Variants in SLC28A1 observed in about 807,000 individuals in gnomAD.
SLC28A1 encodes solute carrier family 28 member 1.
Under a neutral mutation model 74.8 loss-of-function variants are expected in SLC28A1, and 64 were observed. The observed-to-expected ratio is 0.86, with a 90% confidence interval of 0.70 to 1.05. SLC28A1 has a LOEUF of 1.05. Ranked by LOEUF, SLC28A1 falls within the 50% of genes least tolerant of loss-of-function variation. The pLI is 0.00. For synonymous variants in SLC28A1, 359 were observed against 335.0 expected (o/e 1.07, Z -0.78); for missense variants, 828 against 822.8 (o/e 1.01, Z -0.08).
Position 84,944,659 on chromosome 15 carries a change from T to G in SLC28A1, c.1757T>G (p.Met586Arg). 2.5e-6 allele frequency: 4 copies of G among 1,612,996 alleles called. No homozygotes were observed. Among genetic ancestry groups the G allele is most frequent in the Non-Finnish European group, 3.4e-6 (4 of 1,178,898 alleles). The change falls in exon 17 of 19, where the codon ATG (methionine) becomes AGG (arginine). Residue 586 changes from methionine (M) to arginine (R), a missense_variant. Around this residue, in one of 3 missense-constraint regions of SLC28A1, gnomAD observed 767 missense variants for 753.5 expected, o/e 1.02. Coordinates refer to ENST00000394573, the MANE Select transcript of SLC28A1 (RefSeq NM_004213.5). ...TGTGTGTCCCTGGTGAACGCCTGTA[T>G]GGCAGGTGAGTGCAGGCCTGGCAGG... ...GACVSLVNAC[M>R]AGILYMPRGA... is the part of the protein sequence containing the mutation.
At chr15:84,918,397 A>G in intron 9 of SLC28A1, 127 bp from the exon 10 acceptor site, 1 of 774,394 alleles carries the variant, frequency 1.3e-6, no homozygotes, top group Non-Finnish European at 2.4e-6. Flanking sequence ...ATCTTCCCGG[A>G]TCCTGTCAGG....
chr15:84,934,294 G>A (rs1196909362), intron 13 of SLC28A1, among the ~76,000 whole-genome samples: 3 of 152,200 alleles, frequency 2.0e-5, no homozygotes, highest in Admixed American at 6.5e-5. Flanking sequence ...CTGTGGCCTG[G>A]TGTGTGTACA....
intron 10 of SLC28A1, 60 bp downstream of exon 10, chr15:84,918,664 A>G (rs1027264513): frequency 3.8e-6 from 5 of 1,309,242 alleles, no homozygotes; most frequent in Admixed American, 1.7e-5. Flanking sequence ...CAGGGTTCAC[A>G]CTGTCCCAGA....
intron 6 of SLC28A1, among the ~76,000 whole-genome samples, chr15:84,903,398 G>A (rs1437042093): frequency 1.3e-5 from 2 of 152,156 alleles, no homozygotes; most frequent in African/African-American, 4.8e-5. Context: ...CTCTCGCATC[G>A]GTATAGTACC....
the SLC28A1 span, among the ~76,000 whole-genome samples, chr15:84,966,151 CCCT>C: frequency 6.3e-4 from 96 of 152,196 alleles, 4 homozygotes; most frequent in Admixed American, 6.5e-4. Flanking sequence ...AGTCTTGGCT[CCCT>C]GCAACCTCCA....
intron 6 of SLC28A1, chr15:84,895,346 G>A (rs377490168): frequency 3.0e-5 from 49 of 1,613,852 alleles, no homozygotes; most frequent in Admixed American, 6.7e-5. Context: ...TGTGGTGGAC[G>A]AAAACTGGAC....
intron 9 of SLC28A1, among the ~76,000 whole-genome samples, chr15:84,909,453 C>T (rs142175507): frequency 1.3e-5 from 2 of 152,144 alleles, no homozygotes; most frequent in Non-Finnish European, 2.9e-5. Context: ...GTTTCAAAGA[C>T]CTTATTGTCT....
At chr15:84,908,589 C>A (rs1967626841) in intron 8 of SLC28A1, 129 bp from the exon 9 acceptor site, 1 of 757,646 alleles carries the variant, frequency 1.3e-6, no homozygotes, top group South Asian at 1.5e-5. Context: ...CAGGTGGTGC[C>A]CCCCCCCGGA....
At chr15:84,947,922 C>T (rs749402103), downstream of SLC28A1, among the ~76,000 whole-genome samples, 8 of 151,960 alleles carry the variant, frequency 5.3e-5, no homozygotes, top group African/African-American at 1.2e-4. Flanking sequence ...TATGGGAGCT[C>T]GGTAGTATTG....
chr15:84,944,520 G>A, intron 16 of SLC28A1, 46 bp from the exon 17 acceptor site: 2 of 1,369,804 alleles, frequency 1.5e-6, no homozygotes, highest in Non-Finnish European at 2.1e-6. Flanking sequence ...CGCGGGCAGA[G>A]AGGGACACAG....
At chr15:84,908,691 T>C in intron 8 of SLC28A1, 27 bp from the exon 9 acceptor site, 1 of 1,600,062 alleles carries the variant, frequency 6.2e-7, no homozygotes, top group South Asian at 1.1e-5. Context: ...ACTGCCTGTT[T>C]TTGTTTGTTT....
chr15:84,924,691 C>G (rs888395126), intron 12 of SLC28A1, among the ~76,000 whole-genome samples: 6 of 152,334 alleles, frequency 3.9e-5, no homozygotes, highest in Admixed American at 1.3e-4. Flanking sequence ...TCAAATGCAT[C>G]CCTCACATAA....
At chr15:84,887,881 T>C (rs767523671) in intron 3 of SLC28A1, 25 bp downstream of exon 3, 2 of 1,539,384 alleles carry the variant, frequency 1.3e-6, no homozygotes, top group South Asian at 1.1e-5. Context: ...CCATCAGTCA[T>C]CCTGACCCCT....
At chr15:84,962,387 T>C in the SLC28A1 span, among the ~76,000 whole-genome samples, 2 of 152,114 alleles carry the variant, frequency 1.3e-5, no homozygotes, top group Admixed American at 1.3e-4. Flanking sequence ...GTTGACTCTT[T>C]ATAGAGACTC....
At chr15:84,948,865 A>G (rs1318024718), downstream of SLC28A1, among the ~76,000 whole-genome samples, 1 of 152,072 alleles carries the variant, frequency 6.6e-6, no homozygotes, top group Non-Finnish European at 1.5e-5. Context: ...TCCACTTCTG[A>G]GAAGGTTCTT....
chr15:84,958,619 C>T, the SLC28A1 span, among the ~76,000 whole-genome samples: 2 of 151,906 alleles, frequency 1.3e-5, no homozygotes, highest in Non-Finnish European at 2.9e-5. Flanking sequence ...AGTGGTGCAA[C>T]CGTAGCTTAC....
At chr15:84,893,423 G>T (rs1361705364) in intron 5 of SLC28A1, among the ~76,000 whole-genome samples, 2 of 152,188 alleles carry the variant, frequency 1.3e-5, no homozygotes, top group Non-Finnish European at 2.9e-5. Flanking sequence ...AGGAACTCCA[G>T]CCCACAAGCT....
intron 12 of SLC28A1, among the ~76,000 whole-genome samples, chr15:84,929,102 A>C (rs893728829): frequency 1.3e-5 from 2 of 152,216 alleles, no homozygotes; most frequent in Non-Finnish European, 2.9e-5. Flanking sequence ...AAAAACTTTT[A>C]AGATGTTTTA....
At chr15:84,891,147 C>T (rs908787342) in intron 5 of SLC28A1, among the ~76,000 whole-genome samples, 2 of 151,910 alleles carry the variant, frequency 1.3e-5, no homozygotes, top group African/African-American at 2.4e-5. Flanking sequence ...AACAGGGAAG[C>T]GTCAAGGTGG....
Sources: gnomAD v4.1 joint callset for allele counts (sites outside exome capture counted in the v4.1 genomes callset) on GRCh38, gnomAD v4.1.1 for gene constraint, gnomAD v4.1.1 regional missense constraint, MANE v1.5 for transcripts, NCBI Gene and HGNC (gene_info 2026-07-23, HGNC 2026-07-21) for gene names.